Variants in QTMAN observed in about 807,000 individuals in gnomAD.
The protein encoded by QTMAN is tRNA-queuosine alpha-mannosyltransferase.
the QTMAN span, among the ~76,000 whole-genome samples, chr2:144,218,393 C>A: frequency 6.6e-6 from 1 of 152,170 alleles, no homozygotes; most frequent in Non-Finnish European, 1.5e-5. Flanking sequence ...CAAAAATAAT[C>A]ATGTCTATGA....
the QTMAN span, among the ~76,000 whole-genome samples, chr2:144,080,638 G>T: frequency 6.6e-6 from 1 of 152,138 alleles, no homozygotes; most frequent in Non-Finnish European, 1.5e-5. Context: ...TCTATTTGGA[G>T]AAAAATATAT....
At chr2:144,264,237 C>T in the QTMAN span, among the ~76,000 whole-genome samples, 2 of 151,868 alleles carry the variant, frequency 1.3e-5, no homozygotes, top group Non-Finnish European at 2.9e-5. Context: ...ATACAGATAA[C>T]AAAAACTTAA....
At chr2:144,252,292 T>C in the QTMAN span, among the ~76,000 whole-genome samples, 1 of 152,006 alleles carries the variant, frequency 6.6e-6, no homozygotes, top group Non-Finnish European at 1.5e-5. Context: ...AAAGAATCAC[T>C]GGAGCCCAGG....
chr2:143,992,796 G>A, the QTMAN span, among the ~76,000 whole-genome samples: 1,558 of 152,022 alleles, frequency 0.01, 29 homozygotes, highest in African/African-American at 0.035. Flanking sequence ...TAGATATGTG[G>A]GTAAGTTTGT....
chr2:144,039,279 G>A, the QTMAN span, among the ~76,000 whole-genome samples: 1 of 152,014 alleles, frequency 6.6e-6, no homozygotes, highest in Non-Finnish European at 1.5e-5. Flanking sequence ...TGTGTGATGC[G>A]TCTCCCCCTC....
At chr2:144,027,065 G>A in the QTMAN span, among the ~76,000 whole-genome samples, 5 of 152,228 alleles carry the variant, frequency 3.3e-5, no homozygotes, top group African/African-American at 9.6e-5. Context: ...GGCTAGAGAT[G>A]ATCCTCCTGT....
the QTMAN span, among the ~76,000 whole-genome samples, chr2:144,091,671 C>G: frequency 2.2e-3 from 334 of 152,250 alleles, 1 homozygote; most frequent in African/African-American, 7.6e-3. Context: ...TCCCGCTATT[C>G]CACTCCTAGG....
the QTMAN span, among the ~76,000 whole-genome samples, chr2:144,254,111 G>C: frequency 6.6e-6 from 1 of 152,174 alleles, no homozygotes; most frequent in African/African-American, 2.4e-5. Context: ...GGTCCCATGG[G>C]TGCACAAAAG....
chr2:144,286,039 C>T, the QTMAN span, among the ~76,000 whole-genome samples: 2 of 152,142 alleles, frequency 1.3e-5, no homozygotes, highest in African/African-American at 4.8e-5. Context: ...TACAGGTCTT[C>T]GCAGCTTCTC....
chr2:144,216,425 A>T, the QTMAN span, among the ~76,000 whole-genome samples: 1 of 152,166 alleles, frequency 6.6e-6, no homozygotes, highest in Non-Finnish European at 1.5e-5. Context: ...AGTGAAAATC[A>T]GGGGGACACA....
the QTMAN span, among the ~76,000 whole-genome samples, chr2:144,326,776 A>T: frequency 6.6e-6 from 1 of 152,200 alleles, no homozygotes; most frequent in African/African-American, 2.4e-5. Context: ...AGTGCTAAGG[A>T]CACCTCCAGG....
chr2:144,108,291 A>G, the QTMAN span, among the ~76,000 whole-genome samples: 1 of 152,212 alleles, frequency 6.6e-6, no homozygotes, highest in African/African-American at 2.4e-5. Context: ...AGGGTATTCA[A>G]TTAGGAAAAG....
chr2:144,127,524 A>G, the QTMAN span, among the ~76,000 whole-genome samples: 1 of 152,048 alleles, frequency 6.6e-6, no homozygotes. Flanking sequence ...TCCATACAAT[A>G]GCAAATTGAG....
the QTMAN span, among the ~76,000 whole-genome samples, chr2:143,964,514 C>A: frequency 1.3e-5 from 2 of 152,150 alleles, no homozygotes; most frequent in African/African-American, 2.4e-5. Flanking sequence ...TTTTGCTAGG[C>A]TCTCCTTGTG....
chr2:143,957,344 T>G, the QTMAN span: 1 of 1,567,824 alleles, frequency 6.4e-7, no homozygotes, highest in South Asian at 1.2e-5. Context: ...AAATATCTTT[T>G]AAAAACAAGA....
the QTMAN span, among the ~76,000 whole-genome samples, chr2:144,199,470 G>C: frequency 1.3e-5 from 2 of 152,134 alleles, no homozygotes; most frequent in Non-Finnish European, 2.9e-5. Flanking sequence ...GTCCTGTAGA[G>C]AGAGATAGCT....
chr2:144,082,407 T>G, the QTMAN span, among the ~76,000 whole-genome samples: 1 of 152,094 alleles, frequency 6.6e-6, no homozygotes, highest in African/African-American at 2.4e-5. Context: ...ACACTGCCAT[T>G]AGGTAAATCA....
chr2:144,016,175 C>T, the QTMAN span, among the ~76,000 whole-genome samples: 3 of 152,152 alleles, frequency 2.0e-5, no homozygotes, highest in Non-Finnish European at 4.4e-5. Flanking sequence ...ATGAAGCTTT[C>T]AGTACGTATA....
chr2:143,947,752 ACTGATCTTAATCAGC>A, the QTMAN span, among the ~76,000 whole-genome samples: 1 of 152,194 alleles, frequency 6.6e-6, no homozygotes, highest in African/African-American at 2.4e-5. Flanking sequence ...AAAACCTCTA[ACTGATCTTAATCAGC>A]CAAAGCATAT....
Sources: gnomAD v4.1 joint callset for allele counts (sites outside exome capture counted in the v4.1 genomes callset) on GRCh38, gnomAD v4.1.1 for gene constraint, MANE v1.5 for transcripts, NCBI Gene and HGNC (gene_info 2026-07-23, HGNC 2026-07-21) for gene names.